The following SHANK1 variants were observed in gnomAD, a reference collection of about 807,000 sequenced individuals.
SHANK1 encodes the protein SH3 and multiple ankyrin repeat domains protein 1.
SHANK1 carries 35 observed loss-of-function variants against 165.6 expected under a neutral mutation model. That is an observed-to-expected ratio of 0.21 (90% CI 0.16 to 0.28). SHANK1 has a LOEUF of 0.28. Ranked by LOEUF, SHANK1 falls within the 10% of genes least tolerant of loss-of-function variation. SHANK1 has a pLI of 1.00. For synonymous variants in SHANK1, 1,428 were observed against 1,384.8 expected, an observed-to-expected ratio of 1.03 and a Z score of -0.69; for missense variants, 2,681 against 3,036.4, an observed-to-expected ratio of 0.88 and a Z score of 2.75.
chr19:50,689,588 A>C (rs995639122), intron 15 of SHANK1, among the ~76,000 whole-genome samples: 2 of 152,118 alleles, frequency 1.3e-5, no homozygotes, highest in Non-Finnish European at 2.9e-5. Context: ...CCAGATTACC[A>C]GACAGCCAGG....
rs371506383 is a variant in SHANK1 at position 50,713,776 on chromosome 19, TG to T, written c.792+21del. 35 of 1,610,548 alleles carry T rather than the reference TG, an allele frequency of 2.2e-5. No homozygotes were observed. The East Asian group carries it at 2.9e-4, about 13-fold the overall frequency. ...AGGAGAGAGGGCCCCATGGCGGGGA[TG>T]GGGGGTCCCCGAAGCCTCACCGTGA... is the stretch of plus-strand genomic sequence containing the variant. On this transcript the variant is annotated intron_variant, in intron 6 of 23. Coordinates refer to ENST00000293441, the MANE Select transcript of SHANK1 (RefSeq NM_016148.5). The surrounding 1 kb of genome is among the most constrained non-coding windows in gnomAD (Gnocchi z 6.2).
chr19:50,689,643 C>T (rs747890196), intron 15 of SHANK1, among the ~76,000 whole-genome samples: 1 of 152,200 alleles, frequency 6.6e-6, no homozygotes, highest in Non-Finnish European at 1.5e-5. Context: ...CTTGAGCCCA[C>T]AACTTTAACC....
intron 22 of SHANK1, among the ~76,000 whole-genome samples, chr19:50,671,363 T>G (rs1221595689): frequency 6.6e-6 from 1 of 150,380 alleles, no homozygotes; most frequent in African/African-American, 2.5e-5. Context: ...TTTTGTATTT[T>G]TAGTAGAGAT....
chr19:50,689,377 A>G (rs1315218375), intron 15 of SHANK1, 98 bp from the exon 16 acceptor site: 2 of 865,510 alleles, frequency 2.3e-6, no homozygotes, highest in African/African-American at 3.3e-5. Flanking sequence ...CCAGACCCAA[A>G]CCTCTGCTCC....
At position 50,662,302 on chromosome 19, in the gene SHANK1, A is replaced by G. The variant is rs752754927; in HGVS notation, c.6149T>C (p.Phe2050Ser). The G allele has an allele frequency of 5.0e-6, 8 of 1,610,774 alleles. No homozygotes were observed. The Admixed American group carries it at 1.0e-4, about 20-fold the overall frequency. Residue 2050 changes from phenylalanine (F) to serine (S), a missense_variant, in exon 24 of 24, where the codon TTC (phenylalanine) becomes TCC (serine). Physicochemically the swap from Phe to Ser is radical, Grantham distance 155 (BLOSUM62 -2). Transcript: ENST00000293441. The surrounding 1 kb of genome is among the most constrained non-coding windows in gnomAD (Gnocchi z 7.7). ...TGGAGGSADPFAPVFVPPHPG... is the reference protein window; with the variant it reads ...TGGAGGSADPSAPVFVPPHPG... ...GTGTGGCGGCACAAAGACTGGGGCGAAGGGGTCAGCCGAGCCTCCTGCCCC... is the reference window on the plus strand; with the variant it reads ...GTGTGGCGGCACAAAGACTGGGGCGGAGGGGTCAGCCGAGCCTCCTGCCCC...
chr19:50,682,172 C>A (rs1986201612), intron 21 of SHANK1, among the ~76,000 whole-genome samples: 1 of 152,110 alleles, frequency 6.6e-6, no homozygotes, highest in Admixed American at 6.6e-5. Flanking sequence ...TCTCTTGCCT[C>A]AGCCTCCCAA....
chr19:50,663,538 G>A (rs1031462577), intron 23 of SHANK1, among the ~76,000 whole-genome samples: 1 of 151,926 alleles, frequency 6.6e-6, no homozygotes, highest in African/African-American at 2.4e-5. Context: ...TTGTAGGATG[G>A]TTGCAATTAT....
At position 50,688,305 on chromosome 19, in the gene SHANK1, G is replaced by A. The variant is rs988972303; in HGVS notation, c.2173-247C>T. The stretch of plus-strand genomic sequence containing the variant: ...ACTTCCCCCTCCCTCCTTGTCCCCA[G>A]TATTTATTTATTTATTTACTTTTAT... On this transcript the variant is annotated intron_variant, in intron 17 of 23. Coordinates refer to ENST00000293441, the MANE Select transcript of SHANK1 (RefSeq NM_016148.5). The surrounding 1 kb of genome is among the most constrained non-coding windows in gnomAD (Gnocchi z 6.7). Among the ~76,000 whole-genome samples, 8 of 151,954 alleles carry A rather than the reference G, an allele frequency of 5.3e-5. No homozygotes were observed. The highest frequency in any genetic ancestry group is 8.8e-5 in the Non-Finnish European group (6 of 67,986).
intron 8 of SHANK1, among the ~76,000 whole-genome samples, chr19:50,708,615 G>A (rs1243636861): frequency 6.6e-6 from 1 of 152,166 alleles, no homozygotes; most frequent in East Asian, 1.9e-4. Flanking sequence ...GAGGATGGAG[G>A]ATGTGGGGTT....
At chr19:50,681,996 G>A (rs1489773966) in intron 21 of SHANK1, among the ~76,000 whole-genome samples, 1 of 152,064 alleles carries the variant, frequency 6.6e-6, no homozygotes, top group African/African-American at 2.4e-5. Flanking sequence ...CTCCTGCCTT[G>A]GCCTCCCAAA....
rs1009170191 is a variant in SHANK1, at chr19:50,688,723, G to C, written c.2172+121C>G. Reference sequence around the variant, plus strand: ...CAGAGGCTGGCTGGGGGGTGGGCAGGGGGCTGGGAATCCTGGTGCCAAAGG... The same window carrying C: ...CAGAGGCTGGCTGGGGGGTGGGCAGCGGGCTGGGAATCCTGGTGCCAAAGG... On this transcript the variant is annotated intron_variant, in intron 17 of 23. Transcript: ENST00000293441. The surrounding 1 kb of genome is among the most constrained non-coding windows in gnomAD (Gnocchi z 6.7). 1.0e-6 allele frequency: 1 copy of C among 974,580 alleles called. No individual in the cohort carries two copies. Among genetic ancestry groups the C allele is most frequent in the Admixed American group, 2.7e-5 (1 of 37,720 alleles). The allele number at this position is 974,580 out of a possible 1,614,324, so 60.4% of individuals were successfully genotyped here. A position where few individuals can be genotyped will look rare whatever the true frequency, so the allele number is the denominator to read the frequency against.
In SHANK1 at chr19:50,718,089, GTGGAGGGTAC is replaced by G. The variant is rs1193875510; in HGVS notation, c.-43-1137_-43-1128del. 6.6e-6 allele frequency among the ~76,000 whole-genome samples: 1 copy of G among 152,216 alleles called. No homozygotes were observed. Among genetic ancestry groups the G allele is most frequent in the Non-Finnish European group, 1.5e-5 (1 of 68,038 alleles). On this transcript the variant is annotated intron_variant, in intron 1 of 23. Transcript: ENST00000293441. This position sits in a 1 kb window ranked among gnomAD's most constrained non-coding sequence, Gnocchi z 5.1. The stretch of plus-strand genomic sequence containing the variant: ...ACCGTTGCCATGGAGATGGGAAGCA[GTGGAGGGTAC>G]TGCTGACTTTGGGGGAGTGGGGATG...
rs764731560 is a variant in SHANK1, at chr19:50,667,440, C to T, written c.4520G>A (p.Gly1507Glu). Residue 1507 changes from glycine to glutamate, a missense_variant, in exon 23 of 24, where the codon GGA becomes GAA. Physicochemically the swap from Gly to Glu is moderately conservative, Grantham distance 98. Around this residue, in one of 10 missense-constraint regions of SHANK1, gnomAD observed 1,713 missense variants for 1,630.2 expected, o/e 1.05. Transcript: ENST00000293441. This position sits in a 1 kb window ranked among gnomAD's most constrained non-coding sequence, Gnocchi z 5.7. ...NCQPRAPVTSGRGPPSEDGPG... is the reference protein window; with the variant it reads ...NCQPRAPVTSERGPPSEDGPG... The stretch of plus-strand genomic sequence containing the variant: ...CCCGTCCTCCGAGGGGGGACCCCTT[C>T]CGCTCGTCACAGGGGCCCGGGGCTG... 1 of 1,525,906 alleles carries T rather than the reference C, an allele frequency of 6.6e-7. No individual in the cohort carries two copies. The highest frequency in any genetic ancestry group is 1.4e-5 in the African/African-American group (1 of 72,862). The allele number at this position is 1,525,906 out of a possible 1,614,324, so 94.5% of individuals were successfully genotyped here.
intron 22 of SHANK1, among the ~76,000 whole-genome samples, chr19:50,670,000 C>T (rs1985735212): frequency 6.6e-6 from 1 of 152,184 alleles, no homozygotes; most frequent in Admixed American, 6.5e-5. Flanking sequence ...CAACTAGTGA[C>T]CAGCTTCATT....
chr19:50,678,301 C>T (rs145119095), intron 21 of SHANK1, among the ~76,000 whole-genome samples: 1 of 151,970 alleles, frequency 6.6e-6, no homozygotes, highest in Non-Finnish European at 1.5e-5. Context: ...TCAGGAAGCA[C>T]ACGGGGACTG....
In SHANK1 at chr19:50,690,969, C is replaced by T. The variant is rs1986520275; in HGVS notation, c.1965-1690G>A. Among the ~76,000 whole-genome samples the T allele has an allele frequency of 6.6e-6, 1 of 152,136 alleles. No homozygotes were observed. The highest frequency in any genetic ancestry group is 2.4e-5 in the African/African-American group (1 of 41,402). On this transcript the variant is annotated intron_variant, in intron 15 of 23. Coordinates refer to ENST00000293441, the MANE Select transcript of SHANK1 (RefSeq NM_016148.5). The surrounding 1 kb of genome is among the most constrained non-coding windows in gnomAD (Gnocchi z 4.9). ...GGGTTCTGGATGTGCACGTGTCCTC[C>T]CTTCCTGCTGCCACCCTCCTTGTGG...
intron 11 of SHANK1, 148 bp downstream of exon 11, chr19:50,703,352 A>T: frequency 1.5e-6 from 1 of 659,656 alleles, no homozygotes; most frequent in Middle Eastern, 4.0e-4. Context: ...AGTAGCTCCC[A>T]AGGCCTTGCT....
chr19:50,687,255 G>T (rs1046968617), intron 19 of SHANK1, among the ~76,000 whole-genome samples: 2 of 151,936 alleles, frequency 1.3e-5, no homozygotes, highest in African/African-American at 4.8e-5. Context: ...GGGTTGGGGG[G>T]AGCTGGTGGA....
intron 16 of SHANK1, 60 bp from the exon 17 acceptor site, chr19:50,689,028 G>A: frequency 7.5e-7 from 1 of 1,330,032 alleles, no homozygotes; most frequent in South Asian, 1.3e-5. Flanking sequence ...CCGAGCAGGG[G>A]ATGGGGCTCA....
Sources: allele counts gnomAD v4.1 joint callset (sites outside exome capture counted in the v4.1 genomes callset), GRCh38; gene constraint gnomAD v4.1.1; regional missense constraint gnomAD v4.1.1; non-coding constraint Gnocchi (gnomAD v3.1); transcripts MANE v1.5; gene names NCBI Gene and HGNC (gene_info 2026-07-23, HGNC 2026-07-21).